Variants in PDIA5 observed in about 807,000 individuals in gnomAD.
PDIA5 encodes the protein protein disulfide-isomerase A5.
Under a neutral mutation model 77.6 loss-of-function variants are expected in PDIA5, and 58 were observed. That is an observed-to-expected ratio of 0.75 (90% CI 0.61 to 0.93). PDIA5 has a LOEUF of 0.93. Ranked by LOEUF, PDIA5 falls within the 40% of genes least tolerant of loss-of-function variation. The pLI, the probability that PDIA5 is intolerant of heterozygous loss-of-function variation, is 0.00. For synonymous variants in PDIA5, 250 were observed against 252.1 expected (o/e 0.99, Z 0.08); for missense variants, 630 against 647.7 (o/e 0.97, Z 0.30).
chr3:123,079,240 G>T (rs9878072), intron 1 of PDIA5, among the ~76,000 whole-genome samples: 2 of 141,946 alleles, frequency 1.4e-5, no homozygotes, highest in Admixed American at 8.1e-5. Context: ...GAGTGCAATG[G>T]TGCGATCTCG....
intron 11 of PDIA5, among the ~76,000 whole-genome samples, chr3:123,140,717 G>T (rs1299028165): frequency 2.0e-5 from 3 of 152,216 alleles, no homozygotes; most frequent in Non-Finnish European, 2.9e-5. Context: ...ACTGAGCTGT[G>T]TCATGTGTCT....
chr3:123,145,591 A>C lies in PDIA5; in HGVS notation c.980A>C (p.Asp327Ala). Reference protein sequence around the residue: ...KAAEALHGEADSSGVLAAVDA... With the variant: ...KAAEALHGEAASSGVLAAVDA... ...GCAGAAGCCCTCCATGGAGAAGCGG[A>C]TGTAAGCTTCCTTTCCTTCCCCCTC... The change falls in exon 12 of 17, where the codon GAT (aspartate) becomes GCT (alanine). Residue 327 changes from aspartate (D) to alanine (A), a missense_variant and splice_region_variant. Physicochemically the swap from Asp to Ala is moderately radical, Grantham distance 126. Transcript: ENST00000316218. 6.2e-7 allele frequency: 1 copy of C among 1,609,756 alleles called. No homozygotes were observed. Among genetic ancestry groups the C allele is most frequent in the South Asian group, 1.1e-5 (1 of 90,988 alleles).
At chr3:123,084,916 A>G (rs1019251268) in intron 1 of PDIA5, among the ~76,000 whole-genome samples, 1 of 151,812 alleles carries the variant, frequency 6.6e-6, no homozygotes, top group African/African-American at 2.4e-5. Context: ...TCTACAATAT[A>G]CTGTGTTCAT....
At chr3:123,076,899 A>G (rs1351945573) in intron 1 of PDIA5, among the ~76,000 whole-genome samples, 1 of 152,238 alleles carries the variant, frequency 6.6e-6, no homozygotes, top group Non-Finnish European at 1.5e-5. Flanking sequence ...CAATTTCAGG[A>G]TAAGAAAACC....
chr3:123,150,779 C>G (rs1016410501), intron 14 of PDIA5, among the ~76,000 whole-genome samples: 1 of 151,866 alleles, frequency 6.6e-6, no homozygotes, highest in Non-Finnish European at 1.5e-5. Flanking sequence ...CCAGATGGCT[C>G]TGGAGCCGTG....
intron 1 of PDIA5, among the ~76,000 whole-genome samples, chr3:123,072,519 G>C (rs1933748075): frequency 6.6e-6 from 1 of 152,164 alleles, no homozygotes; most frequent in African/African-American, 2.4e-5. Context: ...GGGTACCCCT[G>C]TGCAGCTAGG....
chr3:123,152,484 C>T (rs1028195873), intron 14 of PDIA5, among the ~76,000 whole-genome samples: 2 of 151,616 alleles, frequency 1.3e-5, no homozygotes, highest in South Asian at 4.2e-4. Context: ...TTTCCAAGGA[C>T]AAAAAAGATA....
chr3:123,093,880 C>G (rs948883991), intron 3 of PDIA5, among the ~76,000 whole-genome samples: 3 of 152,224 alleles, frequency 2.0e-5, no homozygotes, highest in African/African-American at 7.2e-5. Flanking sequence ...AGTGCCCTGG[C>G]TTTCCCTGCA....
chr3:123,129,957 T>C (rs1935334915), intron 10 of PDIA5, among the ~76,000 whole-genome samples: 3 of 152,122 alleles, frequency 2.0e-5, no homozygotes, highest in Non-Finnish European at 2.9e-5. Context: ...ATGTGGCAGC[T>C]TCCCCTTGCA....
At chr3:123,146,479 G>A (rs1364066121) in intron 13 of PDIA5, among the ~76,000 whole-genome samples, 2 of 152,198 alleles carry the variant, frequency 1.3e-5, no homozygotes, top group East Asian at 1.9e-4. Context: ...CAGCTTCATC[G>A]ACGCACTAAA....
chr3:123,139,064 C>G (rs1935564478), intron 11 of PDIA5, among the ~76,000 whole-genome samples: 1 of 152,184 alleles, frequency 6.6e-6, no homozygotes, highest in Admixed American at 6.5e-5. Flanking sequence ...AGAGCATGAT[C>G]AAGGAGTTGA....
At chr3:123,091,354 G>A (rs1437428569) in intron 2 of PDIA5, among the ~76,000 whole-genome samples, 1 of 152,136 alleles carries the variant, frequency 6.6e-6, no homozygotes, top group East Asian at 1.9e-4. Flanking sequence ...TGTATCATAT[G>A]GTTTTTGGCG....
intron 10 of PDIA5, among the ~76,000 whole-genome samples, chr3:123,129,248 G>C (rs1290923549): frequency 6.6e-6 from 1 of 152,240 alleles, no homozygotes; most frequent in East Asian, 1.9e-4. Context: ...GACTCATTCT[G>C]AAGCTTGATT....
chr3:123,094,076 GTC>G (rs1262360735), intron 3 of PDIA5, among the ~76,000 whole-genome samples: 1 of 152,208 alleles, frequency 6.6e-6, no homozygotes, highest in Admixed American at 6.5e-5. Flanking sequence ...GATGTCTAGA[GTC>G]AATAAAAGTG....
At chr3:123,083,144 G>A (rs1934053702) in intron 1 of PDIA5, among the ~76,000 whole-genome samples, 2 of 145,340 alleles carry the variant, frequency 1.4e-5, no homozygotes, top group African/African-American at 5.1e-5. Flanking sequence ...CTCTGGTGCT[G>A]TTGGGCTCTG....
At chr3:123,092,951 C>T (rs1348323829) in intron 3 of PDIA5, among the ~76,000 whole-genome samples, 1 of 152,128 alleles carries the variant, frequency 6.6e-6, no homozygotes, top group African/African-American at 2.4e-5. Flanking sequence ...CTGAGGGGGC[C>T]CAGGCCTATA....
chr3:123,083,676 G>C (rs1314555555), intron 1 of PDIA5, among the ~76,000 whole-genome samples: 1 of 152,202 alleles, frequency 6.6e-6, no homozygotes, highest in Non-Finnish European at 1.5e-5. Context: ...CCAAGGGCTT[G>C]ACAAAGGAAC....
At chr3:123,102,644 T>C (rs933351929) in intron 4 of PDIA5, 107 bp from the exon 5 acceptor site, 26 of 1,126,584 alleles carry the variant, frequency 2.3e-5, no homozygotes, top group Non-Finnish European at 3.2e-5. Flanking sequence ...AAAAAAATCC[T>C]GAACTCCGTT....
intron 11 of PDIA5, among the ~76,000 whole-genome samples, 162 bp downstream of exon 11, chr3:123,130,778 G>A (rs2673334): frequency 0.71 from 107,675 of 152,004 alleles, 39,095 homozygotes; most frequent in Non-Finnish European, 0.8. Flanking sequence ...CCCCACCCTC[G>A]TAGTGCACAT....
Sources: gnomAD v4.1 joint callset for allele counts (sites outside exome capture counted in the v4.1 genomes callset) on GRCh38, gnomAD v4.1.1 for gene constraint, MANE v1.5 for transcripts, NCBI Gene and HGNC (gene_info 2026-07-23, HGNC 2026-07-21) for gene names.